Variants in SCRN3 observed in about 807,000 individuals in gnomAD.
SCRN3 encodes secernin 3, also known as secernin-3.
SCRN3 carries 39 observed loss-of-function variants against 43.1 expected under a neutral mutation model. The ratio of observed to expected loss-of-function variants is 0.91; its 90% CI spans 0.70 to 1.18. The LOEUF is 1.18. Among genes scored for constraint, SCRN3 ranks in the 50% most tolerant of loss-of-function variants. SCRN3 has a pLI of 0.00. For synonymous variants in SCRN3, 147 were observed against 163.1 expected, an observed-to-expected ratio of 0.90 and a Z score of 0.75; for missense variants, 484 against 498.0, an observed-to-expected ratio of 0.97 and a Z score of 0.27.
intron 4 of SCRN3, among the ~76,000 whole-genome samples, chr2:174,403,292 T>C (rs1399989327): frequency 3.3e-5 from 5 of 151,422 alleles, no homozygotes; most frequent in African/African-American, 9.7e-5. Flanking sequence ...CTCTAGAAAA[T>C]AGTTTGTCAG....
chr2:174,414,584 T>C (rs1214354271), intron 5 of SCRN3, among the ~76,000 whole-genome samples: 1 of 152,124 alleles, frequency 6.6e-6, no homozygotes, highest in Non-Finnish European at 1.5e-5. Context: ...TATCCTATTA[T>C]TTTGTTATTC....
intron 5 of SCRN3, among the ~76,000 whole-genome samples, chr2:174,411,073 C>T (rs144509471): frequency 4.9e-4 from 74 of 152,262 alleles, no homozygotes; most frequent in African/African-American, 1.7e-3. Context: ...ACTCCACTCC[C>T]TACCCAGAGT....
intron 6 of SCRN3, among the ~76,000 whole-genome samples, chr2:174,424,111 C>G (rs1489681427): frequency 6.6e-6 from 1 of 152,144 alleles, no homozygotes; most frequent in Admixed American, 6.5e-5. Context: ...TTTACTGACA[C>G]TGGCGCTGAT....
intron 5 of SCRN3, among the ~76,000 whole-genome samples, chr2:174,411,452 CTCTTT>C (rs1312242428): frequency 6.6e-6 from 1 of 152,114 alleles, no homozygotes; most frequent in Non-Finnish European, 1.5e-5. Context: ...AAGTTCACTT[CTCTTT>C]TCTTCTGCAT....
chr2:174,419,229 T>C (rs1357185241), intron 5 of SCRN3, among the ~76,000 whole-genome samples: 1 of 152,166 alleles, frequency 6.6e-6, no homozygotes, highest in Non-Finnish European at 1.5e-5. Flanking sequence ...TTACTGTCAT[T>C]ATAGGGTTTT....
At chr2:174,414,863 C>A (rs1396453710) in intron 5 of SCRN3, among the ~76,000 whole-genome samples, 1 of 151,010 alleles carries the variant, frequency 6.6e-6, no homozygotes, top group African/African-American at 2.4e-5. Context: ...TCCTGGATTC[C>A]AGCGATTCTC....
chr2:174,402,767 T>C (rs1305536949), intron 4 of SCRN3, among the ~76,000 whole-genome samples: 1 of 152,206 alleles, frequency 6.6e-6, no homozygotes. Context: ...GACTTGGATC[T>C]GGTTTTTGTA....
At chr2:174,397,359 C>G in intron 1 of SCRN3, 2 of 979,366 alleles carry the variant, frequency 2.0e-6, no homozygotes, top group Non-Finnish European at 2.4e-6. Context: ...TTTAGGTGTT[C>G]TATTATAAGT....
Position 174,401,143 on chromosome 2 carries a change from G to T in SCRN3, c.495G>T (p.Trp165Cys), listed in dbSNP as rs139465182. The change falls in exon 4 of 8, where the codon TGG becomes TGT. Residue 165 changes from tryptophan to cysteine, a missense_variant. By Grantham distance (215) the Trp-to-Cys change is radical. Coordinates refer to ENST00000272732, the MANE Select transcript of SCRN3 (RefSeq NM_024583.5). ...TGATAGCTGATAGGAATGAAGCCTG[G>T]ATTCTGGAGACTGCAGGGAAGTACT... ...SFLIADRNEA[W>C]ILETAGKYWA... 8 of 1,613,848 alleles carry T rather than the reference G, an allele frequency of 5.0e-6. No homozygotes were observed. The highest frequency in any genetic ancestry group is 6.8e-6 in the Non-Finnish European group (8 of 1,179,928).
At chr2:174,429,723 T>C (rs565112236), downstream of SCRN3, 1 of 152,322 alleles carries the variant, frequency 6.6e-6, no homozygotes, top group East Asian at 1.9e-4. Flanking sequence ...TCCACCATTA[T>C]AGTATTATAC....
chr2:174,424,005 A>T (rs1686393441), intron 6 of SCRN3, among the ~76,000 whole-genome samples: 1 of 151,694 alleles, frequency 6.6e-6, no homozygotes, highest in Admixed American at 6.6e-5. Context: ...GCCCAAGGCT[A>T]TTCTTGAACT....
intron 5 of SCRN3, among the ~76,000 whole-genome samples, chr2:174,405,485 T>G (rs1473009597): frequency 4.1e-5 from 5 of 121,576 alleles, no homozygotes; most frequent in East Asian, 4.9e-4. Flanking sequence ...GTCAATTTTG[T>G]CTTTTGTTGC....
intron 5 of SCRN3, among the ~76,000 whole-genome samples, chr2:174,420,316 G>A (rs1485642325): frequency 2.0e-5 from 3 of 152,094 alleles, no homozygotes; most frequent in Non-Finnish European, 4.4e-5. Context: ...GAACAAACAA[G>A]GGATAGACTA....
intron 4 of SCRN3, among the ~76,000 whole-genome samples, chr2:174,403,678 C>T (rs1421702603): frequency 6.6e-6 from 1 of 151,970 alleles, no homozygotes; most frequent in African/African-American, 2.4e-5. Flanking sequence ...ATAGCTGTTA[C>T]CTGAGGTTAA....
intron 5 of SCRN3, among the ~76,000 whole-genome samples, chr2:174,411,804 C>G (rs908045069): frequency 4.6e-5 from 7 of 152,044 alleles, no homozygotes; most frequent in Non-Finnish European, 7.4e-5. Context: ...ACCTGTAATC[C>G]CAGCTACTTG....
rs201762174 is a variant in SCRN3 at position 174,423,779 on chromosome 2, T to TC, written c.918-696_918-695insC. Among the ~76,000 whole-genome samples, 468 of 74,642 alleles carry TC rather than the reference T, an allele frequency of 6.3e-3. 27 individuals are homozygous for TC. The highest frequency in any genetic ancestry group is 0.018 in the East Asian group (58 of 3,204). The allele number at this position is 74,642 out of a possible 152,430, so 49.0% of individuals were successfully genotyped here. On this transcript the variant is annotated intron_variant, in intron 6 of 7. Transcript: ENST00000272732. Reference sequence around the variant, plus strand: ...CCACCGCACCCGGCCAAGTCTTCCTTTTTTTTTTTTTTTTTTTTTTTTTTG... The same window carrying TC: ...CCACCGCACCCGGCCAAGTCTTCCTTCTTTTTTTTTTTTTTTTTTTTTTTTG...
At chr2:174,425,059 G>A (rs1686435372) in intron 7 of SCRN3, among the ~76,000 whole-genome samples, 1 of 152,130 alleles carries the variant, frequency 6.6e-6, no homozygotes, top group African/African-American at 2.4e-5. Context: ...CCTCCAAAGA[G>A]CGGTTGACCT....
At position 174,400,073 on chromosome 2, in the gene SCRN3, A is replaced by C. The variant is rs761696984; in HGVS notation, c.311A>C (p.Glu104Ala). ...TGGGGAAGAGAAGAAGTTTGTGATG[A>C]AGAAGCACTATTAGGAATGGACCTT... ...AVWGREEVCD[E>A]EALLGMDLVR... The change falls in exon 3 of 8, where the codon GAA becomes GCA. Residue 104 changes from glutamate (E) to alanine (A), a missense_variant. Glu to Ala is a moderately radical substitution (Grantham distance 107, BLOSUM62 -1). Transcript: ENST00000272732. 1 of 1,588,572 alleles carries C rather than the reference A, an allele frequency of 6.3e-7. No individual in the cohort carries two copies. The highest frequency in any genetic ancestry group is 1.1e-5 in the South Asian group (1 of 87,056).
In SCRN3 at chr2:174,428,791, C is replaced by G. The variant is rs563298015; in HGVS notation, c.*896C>G. 2.7e-4 allele frequency: 41 copies of G among 152,226 alleles called. No individual in the cohort carries two copies. The highest frequency in any genetic ancestry group is 9.9e-4 in the African/African-American group (41 of 41,538). The allele number at this position is 152,226 out of a possible 1,614,324, so 9.4% of individuals were successfully genotyped here. On this transcript the variant is annotated 3_prime_UTR_variant, in exon 8 of 8. Coordinates refer to ENST00000272732, the MANE Select transcript of SCRN3 (RefSeq NM_024583.5). ...TATGAACTTTATACATGAGTAATAG[C>G]TTCCTAAAGTTTATAAAACATTGTT...
Sources: gnomAD v4.1 joint callset for allele counts (sites outside exome capture counted in the v4.1 genomes callset) on GRCh38, gnomAD v4.1.1 for gene constraint, MANE v1.5 for transcripts, NCBI Gene and HGNC (gene_info 2026-07-23, HGNC 2026-07-21) for gene names.